SH3RF3: variants seen among roughly 807,000 people sequenced by gnomAD.
SH3RF3 encodes E3 ubiquitin-protein ligase SH3RF3.
Under a neutral mutation model 66.3 loss-of-function variants are expected in SH3RF3, and 29 were observed. The observed-to-expected ratio is 0.44, with a 90% confidence interval of 0.33 to 0.60. SH3RF3 has a LOEUF of 0.60. SH3RF3 is among the 20% of genes least tolerant of loss of function. The pLI is 0.04. For synonymous variants in SH3RF3, 583 were observed against 532.0 expected, an observed-to-expected ratio of 1.10 and a Z score of -1.32; for missense variants, 1,194 against 1,190.9, an observed-to-expected ratio of 1.00 and a Z score of -0.04.
At chr2:109,367,561 C>T (rs1431386929) in intron 2 of SH3RF3, among the ~76,000 whole-genome samples, 1 of 151,918 alleles carries the variant, frequency 6.6e-6, no homozygotes, top group African/African-American at 2.4e-5. Context: ...GGATTACAGG[C>T]ATGAGCCACT....
chr2:109,168,861 A>G (rs956064553), intron 1 of SH3RF3, among the ~76,000 whole-genome samples: 4 of 152,238 alleles, frequency 2.6e-5, no homozygotes, highest in Admixed American at 6.5e-5. Flanking sequence ...CTTTGGAAAC[A>G]AATGAATGGA....
chr2:109,443,582 T>G (rs934525468), intron 7 of SH3RF3, among the ~76,000 whole-genome samples: 1 of 152,212 alleles, frequency 6.6e-6, no homozygotes, highest in Non-Finnish European at 1.5e-5. Flanking sequence ...GATGCTAATA[T>G]TAATCAAAAG....
intron 8 of SH3RF3, among the ~76,000 whole-genome samples, chr2:109,482,397 A>G (rs1678857134): frequency 6.6e-6 from 1 of 152,194 alleles, no homozygotes; most frequent in African/African-American, 2.4e-5. Flanking sequence ...AATACCAGGG[A>G]CACCCAGCTC....
chr2:109,239,731 A>T (rs1574522327), intron 1 of SH3RF3, among the ~76,000 whole-genome samples: 1 of 152,134 alleles, frequency 6.6e-6, no homozygotes, highest in East Asian at 1.9e-4. Context: ...CTCCAGCTTA[A>T]ATGGAGCCAC....
intron 1 of SH3RF3, among the ~76,000 whole-genome samples, chr2:109,133,039 T>C (rs1315879317): frequency 2.0e-5 from 3 of 152,242 alleles, no homozygotes; most frequent in African/African-American, 4.8e-5. Flanking sequence ...CTAGGCACTA[T>C]TATAGGTAAA....
At chr2:109,287,746 C>G (rs1050440248) in intron 1 of SH3RF3, among the ~76,000 whole-genome samples, 2 of 152,238 alleles carry the variant, frequency 1.3e-5, no homozygotes, top group African/African-American at 4.8e-5. Flanking sequence ...TCTGTGGCCT[C>G]TGCAGAGCTT....
At chr2:109,466,744 T>G (rs1247642255) in intron 8 of SH3RF3, among the ~76,000 whole-genome samples, 1 of 152,232 alleles carries the variant, frequency 6.6e-6, no homozygotes, top group Non-Finnish European at 1.5e-5. Context: ...TCTGAGTGTG[T>G]GCATTTGTGT....
chr2:109,308,107 T>G (rs1424508137), intron 1 of SH3RF3, among the ~76,000 whole-genome samples: 1 of 145,530 alleles, frequency 6.9e-6, no homozygotes, highest in Non-Finnish European at 1.5e-5. Flanking sequence ...TTTTTAATGA[T>G]TGCCATTCTA....
intron 8 of SH3RF3, among the ~76,000 whole-genome samples, chr2:109,475,673 A>G (rs532449000): frequency 6.0e-4 from 92 of 152,266 alleles, no homozygotes; most frequent in South Asian, 2.5e-3. Context: ...CAGCATCCCA[A>G]TTTCTACTTT....
intron 2 of SH3RF3, among the ~76,000 whole-genome samples, chr2:109,349,016 T>C (rs1682783023): frequency 6.6e-6 from 1 of 152,158 alleles, no homozygotes; most frequent in African/African-American, 2.4e-5. Context: ...TCTGTGTCAG[T>C]ATTTCTCTCT....
intron 7 of SH3RF3, among the ~76,000 whole-genome samples, chr2:109,437,618 G>A (rs1267593885): frequency 6.6e-6 from 1 of 152,198 alleles, no homozygotes; most frequent in Non-Finnish European, 1.5e-5. Flanking sequence ...TCACAGGACA[G>A]GGCTGGGGTG....
At chr2:109,343,348 C>T (rs946332438) in intron 1 of SH3RF3, among the ~76,000 whole-genome samples, 9 of 152,112 alleles carry the variant, frequency 5.9e-5, no homozygotes, top group East Asian at 3.8e-4. Context: ...AACTGCCTCT[C>T]GGCATCTTCC....
At chr2:109,457,799 A>G (rs1236754115) in intron 8 of SH3RF3, among the ~76,000 whole-genome samples, 2 of 152,210 alleles carry the variant, frequency 1.3e-5, no homozygotes, top group Non-Finnish European at 2.9e-5. Flanking sequence ...GCATTAGTTC[A>G]GAAGAAAAAC....
At chr2:109,270,462 C>T (rs1418605012) in intron 1 of SH3RF3, among the ~76,000 whole-genome samples, 1 of 152,138 alleles carries the variant, frequency 6.6e-6, no homozygotes, top group African/African-American at 2.4e-5. Context: ...TTCTTGTTTC[C>T]ACTGCCTGAG....
intron 1 of SH3RF3, among the ~76,000 whole-genome samples, chr2:109,151,296 T>C (rs897998338): frequency 1.3e-5 from 2 of 152,180 alleles, no homozygotes; most frequent in Admixed American, 1.3e-4. Flanking sequence ...ACAGACTGAA[T>C]ACAGAATTTT....
chr2:109,494,312 A>G (rs955913980), intron 9 of SH3RF3, among the ~76,000 whole-genome samples: 1 of 152,276 alleles, frequency 6.6e-6, no homozygotes, highest in Admixed American at 6.5e-5. Context: ...CTTGCACCCA[A>G]GCACTCTGTA....
At chr2:109,359,711 T>G (rs548573114) in intron 2 of SH3RF3, among the ~76,000 whole-genome samples, 1 of 152,300 alleles carries the variant, frequency 6.6e-6, no homozygotes, top group South Asian at 2.1e-4. Flanking sequence ...ATTCCACACC[T>G]GACCTTATGT....
intron 8 of SH3RF3, among the ~76,000 whole-genome samples, chr2:109,487,322 C>T (rs1174899555): frequency 6.6e-6 from 1 of 152,160 alleles, no homozygotes; most frequent in Non-Finnish European, 1.5e-5. Flanking sequence ...TTCTTTCCTG[C>T]CTCACACGGG....
Position 109,377,439 on chromosome 2 carries a change from G to A in SH3RF3, c.945+5758G>A, listed in dbSNP as rs4074382. On this transcript the variant is annotated intron_variant, in intron 3 of 9. Transcript: ENST00000309415. ...CTGTGGTAGGATAACCCTAGGATCCGGGGAAGAAGCAGAGCTGGAGGGGGC... is the reference window on the plus strand; with the variant it reads ...CTGTGGTAGGATAACCCTAGGATCCAGGGAAGAAGCAGAGCTGGAGGGGGC... 7.2e-3 allele frequency among the ~76,000 whole-genome samples: 1,100 copies of A among 152,212 alleles called. 11 individuals are homozygous for A. The highest frequency in any genetic ancestry group is 0.024 in the African/African-American group (984 of 41,532).
Sources: allele counts gnomAD v4.1 joint callset (sites outside exome capture counted in the v4.1 genomes callset), GRCh38; gene constraint gnomAD v4.1.1; transcripts MANE v1.5; gene names NCBI Gene and HGNC (gene_info 2026-07-23, HGNC 2026-07-21).